GCFC2: variants seen among roughly 807,000 people sequenced by gnomAD.
The protein encoded by GCFC2 is GC-rich sequence DNA-binding factor 2, also known as intron Large complex component GCFC2.
Under a neutral mutation model 99.4 loss-of-function variants are expected in GCFC2, and 102 were observed. The ratio of observed to expected loss-of-function variants is 1.03; its 90% CI spans 0.87 to 1.21. GCFC2 has a LOEUF of 1.21. GCFC2 is among the 50% of genes most tolerant of loss of function. GCFC2 has a pLI of 0.00. For missense variants in GCFC2, 973 were observed against 920.9 expected, an observed-to-expected ratio of 1.06 and a Z score of -0.73; for synonymous variants, 338 against 316.8, an observed-to-expected ratio of 1.07 and a Z score of -0.71.
rs80246525 is a variant in GCFC2 at position 75,687,607 on chromosome 2, T to C, written c.1690+220A>G. Among the ~76,000 whole-genome samples the C allele has an allele frequency of 1.8e-3, 276 of 152,234 alleles. 1 individual carries two copies. The highest frequency in any genetic ancestry group is 6.3e-3 in the African/African-American group (260 of 41,528). On this transcript the variant is annotated intron_variant, in intron 11 of 16. Coordinates refer to ENST00000321027, the MANE Select transcript of GCFC2 (RefSeq NM_003203.5). ...CTGCTGATGATACGTCAGATGAGGA[T>C]TAGTGATCAATCTGAGTATTAGCAG...
rs1680874617 is a variant in GCFC2, at chr2:75,706,558, GAA to G, written c.357_358del (p.Ser120Ter). ...AAGTTCTTTTTCTCCAAGAGAGCTAGAACTGTCAGAAGACAAACCCTGATCAT... is the reference window on the plus strand; with the variant it reads ...AAGTTCTTTTTCTCCAAGAGAGCTAGCTGTCAGAAGACAAACCCTGATCAT... On this transcript the variant is annotated frameshift_variant, in exon 2 of 17. Coordinates refer to ENST00000321027, the MANE Select transcript of GCFC2 (RefSeq NM_003203.5). LOFTEE classifies it high-confidence loss of function. 1 of 1,604,660 alleles carries G rather than the reference GAA, an allele frequency of 6.2e-7. No individual in the cohort carries two copies.
Position 75,670,249 on chromosome 2 carries a change from A to G in GCFC2, c.1992T>C (p.Leu664=), listed in dbSNP as rs1264505937. The change falls in exon 15 of 17, where the codon CTT becomes CTC. Residue 664 remains leucine (L), a synonymous_variant. Transcript: ENST00000321027. ...CTAGTTCTTGCAAGGTGTCATCTGT[A>G]AGGAGTCCATTCCAAAGAAGAATAT... ...FRNILLWNGL[L]TDDTLQELGL... The G allele has an allele frequency of 6.2e-7, 1 of 1,607,172 alleles. No homozygotes were observed. Among genetic ancestry groups the G allele is most frequent in the Non-Finnish European group, 8.5e-7 (1 of 1,173,712 alleles).
intron 13 of GCFC2, among the ~76,000 whole-genome samples, chr2:75,672,680 G>C (rs893510904): frequency 6.6e-6 from 1 of 152,038 alleles, no homozygotes; most frequent in Non-Finnish European, 1.5e-5. Context: ...GCAGTTTCTC[G>C]TTCCTCAGCA....
chr2:75,702,014 T>C, intron 3 of GCFC2, 185 bp downstream of exon 3: 1 of 1,402,488 alleles, frequency 7.1e-7, no homozygotes, highest in Non-Finnish European at 9.2e-7. Context: ...CACATACTCC[T>C]TGATAATAAC....
At chr2:75,681,908 G>A (rs1356424560) in intron 11 of GCFC2, among the ~76,000 whole-genome samples, 1 of 151,894 alleles carries the variant, frequency 6.6e-6, no homozygotes, top group East Asian at 1.9e-4. Context: ...CCTCTTCTCT[G>A]GGCAGAGCAT....
At chr2:75,711,669 C>G (rs892534945), upstream of GCFC2, among the ~76,000 whole-genome samples, 1 of 152,244 alleles carries the variant, frequency 6.6e-6, no homozygotes, top group Admixed American at 6.5e-5. Context: ...GCACTCGGAG[C>G]AGCCGGCCGG....
intron 12 of GCFC2, among the ~76,000 whole-genome samples, chr2:75,674,000 G>A (rs140813009): frequency 1.2e-4 from 18 of 152,240 alleles, no homozygotes; most frequent in African/African-American, 4.1e-4. Context: ...ACATACTTAC[G>A]ATAATTGGCA....
At chr2:75,704,111 C>T (rs982041703) in intron 2 of GCFC2, among the ~76,000 whole-genome samples, 1 of 152,170 alleles carries the variant, frequency 6.6e-6, no homozygotes. Flanking sequence ...AGATGCTGGG[C>T]AGACATAGGA....
intron 16 of GCFC2, among the ~76,000 whole-genome samples, chr2:75,665,463 C>T (rs1299299150): frequency 1.1e-4 from 16 of 152,034 alleles, no homozygotes; most frequent in Non-Finnish European, 2.4e-4. Context: ...CAAATCTGGG[C>T]TTAAAAATTT....
chr2:75,682,353 G>T (rs1204102317), intron 11 of GCFC2, among the ~76,000 whole-genome samples: 1 of 151,900 alleles, frequency 6.6e-6, no homozygotes, highest in Non-Finnish European at 1.5e-5. Flanking sequence ...CAGCTGAGGG[G>T]CCTGACTGTT....
chr2:75,675,777 C>T (rs1244871508), intron 12 of GCFC2, among the ~76,000 whole-genome samples: 1 of 147,676 alleles, frequency 6.8e-6, no homozygotes, highest in Admixed American at 6.8e-5. Flanking sequence ...AGAAAAGAAA[C>T]CTCCCATAAA....
At position 75,680,223 on chromosome 2, in the gene GCFC2, A is replaced by T. The variant is rs201272948; in HGVS notation, c.1782T>A (p.Thr594=). 1.2e-6 allele frequency: 2 copies of T among 1,607,172 alleles called. No individual in the cohort carries two copies. Among genetic ancestry groups the T allele is most frequent in the South Asian group, 1.1e-5 (1 of 90,762 alleles). ...HCRVILEEHS[T]CENEVSKSRQ... is the part of the protein sequence containing the mutation. ...TGCTTTTACTAACTTCATTTTCACA[A>T]GTGGAATGTTCTTCAAGAATCACTC... Residue 594 remains threonine (T), a synonymous_variant, in exon 12 of 17, where the codon ACT becomes ACA. Coordinates refer to ENST00000321027, the MANE Select transcript of GCFC2 (RefSeq NM_003203.5).
At chr2:75,665,850 C>G in intron 16 of GCFC2, 79 bp downstream of exon 16, 1 of 881,786 alleles carries the variant, frequency 1.1e-6, no homozygotes, top group Non-Finnish European at 1.6e-6. Flanking sequence ...AGTAAAAATA[C>G]AAATCTTTCT....
upstream of GCFC2, chr2:75,710,956 G>T: frequency 7.3e-7 from 1 of 1,368,106 alleles, no homozygotes; most frequent in Non-Finnish European, 9.4e-7. Flanking sequence ...CCTGGCCGCC[G>T]AGTGCGCGCG....
Position 75,710,699 on chromosome 2 carries a change from G to A in GCFC2, c.157C>T (p.Gln53Ter). The stretch of plus-strand genomic sequence containing the variant: ...ACCCGGTGGGGCAGTCCCGCCACCT[G>A]CGCGCGGCCTCCTCCAGAGGGCGGC... ...EEPPSGGGRAQVAGLPHRVRG... is the reference protein window; with the variant it reads ...EEPPSGGGRA The change falls in exon 1 of 17, where the codon CAG (glutamine) becomes TAG (stop). Residue 53 changes from glutamine to a stop codon, truncating the protein, a stop_gained. Coordinates refer to ENST00000321027, the MANE Select transcript of GCFC2 (RefSeq NM_003203.5). LOFTEE classifies it high-confidence loss of function. The A allele has an allele frequency of 6.5e-7, 1 of 1,532,018 alleles. No homozygotes were observed. The highest frequency in any genetic ancestry group is 8.7e-7 in the Non-Finnish European group (1 of 1,144,466). The allele number at this position is 1,532,018 out of a possible 1,614,324, so 94.9% of individuals were successfully genotyped here. A position where few individuals can be genotyped will look rare whatever the true frequency, so the allele number is the denominator to read the frequency against.
chr2:75,706,956 T>G (rs1372452425), intron 1 of GCFC2, among the ~76,000 whole-genome samples: 1 of 152,158 alleles, frequency 6.6e-6, no homozygotes, highest in Admixed American at 6.5e-5. Context: ...ATATTTAGAA[T>G]AGTAATGATT....
At chr2:75,710,311 T>C (rs1681085557) in intron 1 of GCFC2, 3 of 501,744 alleles carry the variant, frequency 6.0e-6, no homozygotes, top group East Asian at 3.8e-5. Context: ...GTGTTAGTTA[T>C]AACTGATGGA....
upstream of GCFC2, among the ~76,000 whole-genome samples, chr2:75,711,969 G>A (rs149681853): frequency 0.1 from 15,267 of 152,294 alleles, 813 homozygotes; most frequent in Non-Finnish European, 0.13. Flanking sequence ...AGCGCACGGC[G>A]CCGGACTGGC....
intron 4 of GCFC2, among the ~76,000 whole-genome samples, chr2:75,698,344 A>T (rs1680424231): frequency 6.6e-6 from 1 of 152,230 alleles, no homozygotes; most frequent in African/African-American, 2.4e-5. Flanking sequence ...TCTGAACAAA[A>T]GAAAGGAGAG....
Sources: allele counts gnomAD v4.1 joint callset (sites outside exome capture counted in the v4.1 genomes callset), GRCh38; gene constraint gnomAD v4.1.1; transcripts MANE v1.5; gene names NCBI Gene and HGNC (gene_info 2026-07-23, HGNC 2026-07-21).